TRPM2: variants seen among roughly 807,000 people sequenced by gnomAD.
TRPM2 encodes estrogen-responsive element-associated gene 1 protein.
Under a neutral mutation model 174.0 loss-of-function variants are expected in TRPM2, and 161 were observed. The observed-to-expected ratio is 0.93, with a 90% CI of 0.81 to 1.05. The LOEUF is 1.05. TRPM2 is among the 50% of genes least tolerant of loss of function. The probability of loss-of-function intolerance (pLI) is 0.00; values close to 1 mark genes in which losing one functional copy is unlikely to be tolerated. For missense variants in TRPM2, 2,057 were observed against 2,038.0 expected (o/e 1.01, Z -0.18); for synonymous variants, 954 against 861.3 (o/e 1.11, Z -1.88).
At chr21:44,369,424 G>A (rs1191947170) in intron 5 of TRPM2, 81 bp downstream of exon 5, 1 of 1,508,806 alleles carries the variant, frequency 6.6e-7, no homozygotes, top group East Asian at 2.3e-5. Flanking sequence ...GGAGCAGGTG[G>A]AGTGTACGGG....
intron 5 of TRPM2, among the ~76,000 whole-genome samples, chr21:44,374,470 T>C (rs562198313): frequency 6.6e-6 from 1 of 152,240 alleles, no homozygotes; most frequent in African/African-American, 2.4e-5. Flanking sequence ...TTTCTATTAT[T>C]ACATTGTAAT....
At chr21:44,359,905 A>T (rs1365485870) in intron 2 of TRPM2, among the ~76,000 whole-genome samples, 1 of 151,546 alleles carries the variant, frequency 6.6e-6, no homozygotes, top group Admixed American at 6.6e-5. Context: ...GCACCATCAC[A>T]CCTGGCTAAT....
rs1408883225 is a variant in TRPM2 at position 44,413,969 on chromosome 21, C to T, written c.3041C>T (p.Thr1014Met). 4.2e-5 allele frequency: 68 copies of T among 1,613,876 alleles called. No individual in the cohort carries two copies. Among genetic ancestry groups the T allele is most frequent in the Non-Finnish European group, 5.3e-5 (62 of 1,180,034 alleles). The change falls in exon 20 of 32, where the codon ACG (threonine) becomes ATG (methionine). Residue 1014 changes from threonine (T) to methionine (M), a missense_variant. Thr to Met is a moderately conservative substitution (Grantham distance 81). Transcript: ENST00000397928. ...YKPKCPESDA[T>M]QQRPAFPEWL... ...CCTAAGTGCCCCGAGAGCGACGCGA[C>T]GCAGCAGAGGCCGGCCTTCCCTGAG...
At position 44,370,004 on chromosome 21, in the gene TRPM2, G is replaced by C. The variant is rs547308374; in HGVS notation, c.771+661G>C. On this transcript the variant is annotated intron_variant, in intron 5 of 31. Coordinates refer to ENST00000397928, the MANE Select transcript of TRPM2 (RefSeq NM_003307.4). Reference sequence around the variant, plus strand: ...GGTGACGTCTGACCGGGTGCTGTGAGGAGCAGGTGGAGTGTGCGGGGGAGG... The same window carrying C: ...GGTGACGTCTGACCGGGTGCTGTGACGAGCAGGTGGAGTGTGCGGGGGAGG... 8.5e-3 allele frequency among the ~76,000 whole-genome samples: 1,273 copies of C among 149,234 alleles called. 41 individuals carry two copies. Among genetic ancestry groups the C allele is most frequent in the African/African-American group, 0.031 (1,197 of 39,124 alleles).
At chr21:44,418,678 G>A (rs1341864966) in intron 22 of TRPM2, 123 bp downstream of exon 22, 15 of 1,270,328 alleles carry the variant, frequency 1.2e-5, no homozygotes, top group Admixed American at 7.7e-5. Flanking sequence ...GTGAGGGAGC[G>A]CTGTATCCCG....
At chr21:44,390,847 G>A in intron 9 of TRPM2, 57 bp from the exon 10 acceptor site, 4 of 1,606,638 alleles carry the variant, frequency 2.5e-6, no homozygotes, top group Admixed American at 1.7e-5. Flanking sequence ...CATTTCCCTG[G>A]AGGGAAATGG....
At chr21:44,375,697 G>T (rs578147325) in intron 5 of TRPM2, 136 bp from the exon 6 acceptor site, 1 of 993,922 alleles carries the variant, frequency 1.0e-6, no homozygotes, top group Non-Finnish European at 1.4e-6. Context: ...GTGCAAAGTC[G>T]CTTTCTCCAA....
chr21:44,402,499 G>A (rs1247759692), intron 16 of TRPM2, among the ~76,000 whole-genome samples: 1 of 152,124 alleles, frequency 6.6e-6, no homozygotes, highest in Admixed American at 6.5e-5. Context: ...GGGCCTTGGT[G>A]TCTACTGGAG....
In TRPM2 at chr21:44,441,779, C is replaced by G; in HGVS notation, c.4474C>G (p.Leu1492Val). ...ACTCTATGCGAACCACAAGACCCTC[C>G]TCCAGAAGGCAGCCGCTGAGTTCGG... ...IPLYANHKTL[L>V]QKAAAEFGAH... is the part of the protein sequence containing the mutation. Residue 1492 changes from leucine to valine, a missense_variant, in exon 32 of 32, where the codon CTC becomes GTC. Physicochemically the swap from Leu to Val is conservative, Grantham distance 32 (BLOSUM62 1). Transcript: ENST00000397928. 6.2e-7 allele frequency: 1 copy of G among 1,611,070 alleles called. No individual in the cohort carries two copies. Among genetic ancestry groups the G allele is most frequent in the Non-Finnish European group, 8.5e-7 (1 of 1,178,668 alleles).
chr21:44,401,697 G>A lies in TRPM2; in HGVS notation c.2338G>A (p.Asp780Asn). ...LISFREKRLQ[D>N]VGTPAARARA... The stretch of plus-strand genomic sequence containing the variant: ...CGGCCGCAGGGAGAAGAGGCTGCAG[G>A]ATGTGGGCACCCCCGCGGCCCGCGC... The change falls in exon 16 of 32, where the codon GAT (aspartate) becomes AAT (asparagine). Residue 780 changes from aspartate (D) to asparagine (N), a missense_variant. Transcript: ENST00000397928. 4 of 1,613,004 alleles carry A rather than the reference G, an allele frequency of 2.5e-6. No individual in the cohort carries two copies. The highest frequency in any genetic ancestry group is 3.4e-6 in the Non-Finnish European group (4 of 1,179,880).
At chr21:44,402,891 C>A (rs142702014) in intron 16 of TRPM2, among the ~76,000 whole-genome samples, 1 of 152,298 alleles carries the variant, frequency 6.6e-6, no homozygotes, top group East Asian at 1.9e-4. Flanking sequence ...CTTACCTCTG[C>A]TCTCTAACCT....
chr21:44,425,329 A>C (rs960809531), intron 24 of TRPM2: 1 of 403,042 alleles, frequency 2.5e-6, no homozygotes, highest in African/African-American at 2.0e-5. Flanking sequence ...TATGAAATGC[A>C]CATCAGTAGC....
At chr21:44,414,366 AG>A (rs2050208948) in intron 20 of TRPM2, among the ~76,000 whole-genome samples, 1 of 152,250 alleles carries the variant, frequency 6.6e-6, no homozygotes, top group African/African-American at 2.4e-5. Context: ...GCTGCTGCGG[AG>A]GCAGCCTCCT....
chr21:44,391,013 G>C lies in TRPM2; in HGVS notation c.1428G>C (p.Glu476Asp). The C allele has an allele frequency of 6.2e-7, 1 of 1,614,002 alleles. No homozygotes were observed. Among genetic ancestry groups the C allele is most frequent in the Non-Finnish European group, 8.5e-7 (1 of 1,180,036 alleles). The change falls in exon 10 of 32, where the codon GAG becomes GAC. Residue 476 changes from glutamate (E) to aspartate (D), a missense_variant. Coordinates refer to ENST00000397928, the MANE Select transcript of TRPM2 (RefSeq NM_003307.4). This position sits in a 1 kb window ranked among gnomAD's most constrained non-coding sequence, Gnocchi z 5.0. ...CCCGCAGTGAGATCTTCATGGATGA[G>C]TGGCAGTGGAAGGTAAGTCTTCCAG... ...DIARSEIFMD[E>D]WQWKPSDLHP... is the part of the protein sequence containing the mutation.
chr21:44,395,150 A>G (rs1028169900), intron 11 of TRPM2, among the ~76,000 whole-genome samples: 4 of 152,202 alleles, frequency 2.6e-5, no homozygotes, highest in African/African-American at 9.7e-5. Flanking sequence ...AGTGCCTGGC[A>G]TGAAACAAGA....
At position 44,439,867 on chromosome 21, in the gene TRPM2, G is replaced by A. The variant is rs1017203760; in HGVS notation, c.4269+699G>A. Among the ~76,000 whole-genome samples, 3 of 152,112 alleles carry A rather than the reference G, an allele frequency of 2.0e-5. No individual in the cohort carries two copies. Among genetic ancestry groups the A allele is most frequent in the Non-Finnish European group, 4.4e-5 (3 of 68,014 alleles). On this transcript the variant is annotated intron_variant, in intron 30 of 31. Transcript: ENST00000397928. The surrounding 1 kb of genome is among the most constrained non-coding windows in gnomAD (Gnocchi z 5.1). ...CTCCCAGGCAGCAGGGGCTGCAGCG[G>A]TGAGACACCACACCCGTCTAATATT...
In TRPM2 at chr21:44,399,609, C is replaced by T. The variant is rs575752687; in HGVS notation, c.2208+168C>T. Among the ~76,000 whole-genome samples the T allele has an allele frequency of 1.1e-4, 16 of 152,300 alleles. No individual in the cohort carries two copies. The South Asian group carries it at 3.1e-3, about 30-fold the overall frequency. On this transcript the variant is annotated intron_variant, in intron 14 of 31. Coordinates refer to ENST00000397928, the MANE Select transcript of TRPM2 (RefSeq NM_003307.4). This position sits in a 1 kb window ranked among gnomAD's most constrained non-coding sequence, Gnocchi z 4.6. ...GCCACCTGCTCCAGGCTCTGGCCTC[C>T]CATTTTGCAGATGGGGGGAAGCTAA...
chr21:44,406,188 C>A (rs2049868277), intron 18 of TRPM2, 151 bp downstream of exon 18: 1 of 1,019,450 alleles, frequency 9.8e-7, no homozygotes, highest in Non-Finnish European at 1.4e-6. Context: ...CCAAGAATGC[C>A]CTTCTCGTAT....
intron 5 of TRPM2, among the ~76,000 whole-genome samples, chr21:44,373,505 G>A (rs544156813): frequency 6.6e-6 from 1 of 152,294 alleles, no homozygotes; most frequent in South Asian, 2.1e-4. Flanking sequence ...TCTCTTTAGA[G>A]TCTGCTTTTC....
Sources: allele counts gnomAD v4.1 joint callset (sites outside exome capture counted in the v4.1 genomes callset), GRCh38; gene constraint gnomAD v4.1.1; non-coding constraint Gnocchi (gnomAD v3.1); transcripts MANE v1.5; gene names NCBI Gene and HGNC (gene_info 2026-07-23, HGNC 2026-07-21).